Variants in UBN1 observed in about 807,000 individuals in gnomAD.
UBN1 encodes the protein ubinuclein-1.
In UBN1, 17 loss-of-function variants were observed where a neutral mutation model predicts 108.5. The observed-to-expected ratio is 0.16, with a 90% CI of 0.11 to 0.24. The LOEUF is 0.24. Among genes scored for constraint, UBN1 ranks in the 10% least tolerant of loss-of-function variants. The probability of loss-of-function intolerance (pLI) is 1.00; values close to 1 mark genes in which losing one functional copy is unlikely to be tolerated. For synonymous variants in UBN1, 726 were observed against 564.2 expected (o/e 1.29, Z -4.07); for missense variants, 1,595 against 1,394.4 (o/e 1.14, Z -2.29).
At position 4,875,296 on chromosome 16, in the gene UBN1, G is replaced by A; in HGVS notation, c.2886G>A (p.Gln962=). 1 of 1,614,242 alleles carries A rather than the reference G, an allele frequency of 6.2e-7. No individual in the cohort carries two copies. The highest frequency in any genetic ancestry group is 1.3e-5 in the African/African-American group (1 of 75,060). The change falls in exon 15 of 18, where the codon CAG becomes CAA. Residue 962 remains glutamine (Q), a synonymous_variant. Transcript: ENST00000262376. ...CAGGGAAAAAAATGCCTGTTTCCCA[G>A]AAGTTGACTCTGGTAGCCCCTCCAG... The part of the protein sequence containing the change: ...SSAGKKMPVS[Q]KLTLVAPPGG...
Position 4,876,889 on chromosome 16 carries a change from G to A in UBN1, c.3043G>A (p.Val1015Met), listed in dbSNP as rs201047345. ...TCCCTAGAAAGGAGCGAGTGGGACT[G>A]TGCTGCTGGCCGGCTCCTCTTTGAT... ...TSLSKGASGT[V>M]LLAGSSLMAS... Residue 1015 changes from valine (V) to methionine (M), a missense_variant, in exon 16 of 18, where the codon GTG becomes ATG. Coordinates refer to ENST00000262376, the MANE Select transcript of UBN1 (RefSeq NM_001079514.3). 3.1e-6 allele frequency: 5 copies of A among 1,609,466 alleles called. No individual in the cohort carries two copies. The Admixed American group carries it at 8.4e-5, about 27-fold the overall frequency.
chr16:4,876,938 G>A lies in UBN1; in HGVS notation c.3092G>A (p.Ser1031Asn). The change falls in exon 16 of 18, where the codon AGC (serine) becomes AAC (asparagine). Residue 1031 changes from serine to asparagine, a missense_variant. Ser to Asn is a conservative substitution (Grantham distance 46). Transcript: ENST00000262376. ...SLMASPYKSS[S>N]PKLSGAMSSN... Reference sequence around the variant, plus strand: ...ATGGCTTCACCCTACAAATCCAGCAGCCCAAAGCTGTCTGGGGCCATGAGC... The same window carrying A: ...ATGGCTTCACCCTACAAATCCAGCAACCCAAAGCTGTCTGGGGCCATGAGC... 1 of 1,614,162 alleles carries A rather than the reference G, an allele frequency of 6.2e-7. No individual in the cohort carries two copies. The highest frequency in any genetic ancestry group is 1.3e-5 in the African/African-American group (1 of 75,046).
At chr16:4,868,076 G>A (rs2087424576) in intron 7 of UBN1, among the ~76,000 whole-genome samples, 1 of 152,126 alleles carries the variant, frequency 6.6e-6, no homozygotes, top group Non-Finnish European at 1.5e-5. Flanking sequence ...GCTCCAAGCT[G>A]CCCAGGGAAT....
intron 7 of UBN1, among the ~76,000 whole-genome samples, chr16:4,861,762 T>G (rs1382130916): frequency 6.6e-6 from 1 of 152,196 alleles, no homozygotes; most frequent in African/African-American, 2.4e-5. Flanking sequence ...GCCAACATGG[T>G]GAAACCCTGT....
At chr16:4,871,891 T>C (rs755762957) in intron 12 of UBN1, among the ~76,000 whole-genome samples, 2 of 152,194 alleles carry the variant, frequency 1.3e-5, no homozygotes, top group African/African-American at 2.4e-5. Flanking sequence ...CGGCCACACT[T>C]CCTGTTTTAA....
At chr16:4,861,778 C>T (rs1381945229) in intron 7 of UBN1, among the ~76,000 whole-genome samples, 2 of 152,190 alleles carry the variant, frequency 1.3e-5, no homozygotes. Context: ...CCTGTTTCTA[C>T]TAAAAATACA....
rs1272903562 is a variant in UBN1 at position 4,874,330 on chromosome 16, G to C, written c.1920G>C (p.Glu640Asp). Residue 640 changes from glutamate to aspartate, a missense_variant, in exon 15 of 18, where the codon GAG becomes GAC. By Grantham distance (45) the Glu-to-Asp change is conservative. This residue lies in a region of UBN1 where 1,398 missense variants were observed against 1,194.7 expected (regional missense o/e 1.17). Transcript: ENST00000262376. Reference sequence around the variant, plus strand: ...TGAGTATTGGGGCCTCGAGCAGGGAGCTCCCATCCCAGGCATCGGGCGGCC... The same window carrying C: ...TGAGTATTGGGGCCTCGAGCAGGGACCTCCCATCCCAGGCATCGGGCGGCC... ...GGLSIGASSR[E>D]LPSQASGGLA... The C allele has an allele frequency of 6.2e-7, 1 of 1,614,160 alleles. No homozygotes were observed. Among genetic ancestry groups the C allele is most frequent in the Admixed American group, 1.7e-5 (1 of 60,026 alleles).
At chr16:4,871,038 A>G (rs1302603291) in intron 11 of UBN1, 66 bp downstream of exon 11, 7 of 1,606,002 alleles carry the variant, frequency 4.4e-6, no homozygotes, top group South Asian at 2.2e-5. Context: ...CACGTCCCCT[A>G]TTGCTGACAA....
At chr16:4,867,693 G>C (rs1434344845) in intron 7 of UBN1, among the ~76,000 whole-genome samples, 1 of 152,130 alleles carries the variant, frequency 6.6e-6, no homozygotes, top group East Asian at 1.9e-4. Flanking sequence ...AAAGGAGCTG[G>C]TGGAGGAGGC....
intron 8 of UBN1, 67 bp downstream of exon 8, chr16:4,868,970 C>G (rs2087473054): frequency 6.4e-7 from 1 of 1,562,022 alleles, no homozygotes; most frequent in Non-Finnish European, 8.8e-7. Context: ...GGCAAGCCAG[C>G]TAGGGGACAG....
At chr16:4,866,833 A>G (rs1010083663) in intron 7 of UBN1, among the ~76,000 whole-genome samples, 2 of 152,200 alleles carry the variant, frequency 1.3e-5, no homozygotes, top group East Asian at 3.9e-4. Context: ...CTTGTCTTTC[A>G]TGAGCTCGTT....
chr16:4,859,263 G>C, intron 5 of UBN1, 104 bp downstream of exon 5: 1 of 1,492,712 alleles, frequency 6.7e-7, no homozygotes. Flanking sequence ...CGGCTCAGGA[G>C]GATGGTGGAA....
At chr16:4,870,385 C>A (rs375677480) in intron 9 of UBN1, 44 bp downstream of exon 9, 4 of 1,611,634 alleles carry the variant, frequency 2.5e-6, no homozygotes, top group East Asian at 2.2e-5. Flanking sequence ...GGGGTCCTGG[C>A]GGAGGGGTGA....
At chr16:4,872,221 T>C in intron 12 of UBN1, 12 of 985,376 alleles carry the variant, frequency 1.2e-5, no homozygotes, top group Non-Finnish European at 1.4e-5. Context: ...TTTGTTGAGT[T>C]TCTCTGGACA....
At chr16:4,861,182 G>A in intron 7 of UBN1, 80 bp downstream of exon 7, 1 of 1,450,268 alleles carries the variant, frequency 6.9e-7, no homozygotes, top group Non-Finnish European at 9.1e-7. Context: ...CGTGAAGCTT[G>A]CCCAGAGAAA....
At chr16:4,868,309 C>T (rs2087435107) in intron 7 of UBN1, among the ~76,000 whole-genome samples, 2 of 152,210 alleles carry the variant, frequency 1.3e-5, no homozygotes, top group Admixed American at 6.5e-5. Context: ...TAATTATTCA[C>T]ATGGTCTGGC....
In UBN1 at chr16:4,872,943, C is replaced by G; in HGVS notation, c.1757+9C>G. 5 of 1,614,168 alleles carry G rather than the reference C, an allele frequency of 3.1e-6. No individual in the cohort carries two copies. Among genetic ancestry groups the G allele is most frequent in the Non-Finnish European group, 4.2e-6 (5 of 1,180,020 alleles). ...CACCTGACTTCAATCCTGTGAGTGT[C>G]TTGGTATTTTCACATCTCGGGACAA... is the stretch of plus-strand genomic sequence containing the variant. On this transcript the variant is annotated intron_variant, in intron 13 of 17. Transcript: ENST00000262376.
chr16:4,869,447 C>G (rs1283068488), intron 8 of UBN1, among the ~76,000 whole-genome samples: 1 of 152,238 alleles, frequency 6.6e-6, no homozygotes, highest in Non-Finnish European at 1.5e-5. Context: ...ATTTGTAAAT[C>G]CAGACTGGGA....
chr16:4,878,465 C>T (rs575935023), intron 17 of UBN1, among the ~76,000 whole-genome samples: 77 of 152,158 alleles, frequency 5.1e-4, no homozygotes, highest in Non-Finnish European at 9.9e-4. Flanking sequence ...GGCACCATGG[C>T]GCATTATAGT....
Sources: allele counts gnomAD v4.1 joint callset (sites outside exome capture counted in the v4.1 genomes callset), GRCh38; gene constraint gnomAD v4.1.1; regional missense constraint gnomAD v4.1.1; transcripts MANE v1.5; gene names NCBI Gene and HGNC (gene_info 2026-07-23, HGNC 2026-07-21).